Variants in RIPOR3 observed in about 807,000 individuals in gnomAD.
The protein encoded by RIPOR3 is RIPOR family member 3.
RIPOR3 carries 95 observed loss-of-function variants against 114.3 expected under a neutral mutation model. That is an observed-to-expected ratio of 0.83 (90% CI 0.70 to 0.99). The LOEUF (loss-of-function observed/expected upper bound fraction) is 0.99, where lower values mean the gene tolerates loss of function less well. Ranked by LOEUF, RIPOR3 falls within the 50% of genes least tolerant of loss-of-function variation. RIPOR3 has a pLI of 0.00. For synonymous variants in RIPOR3, 575 were observed against 543.8 expected (o/e 1.06, Z -0.80); for missense variants, 1,252 against 1,266.9 (o/e 0.99, Z 0.18).
intron 4 of RIPOR3, among the ~76,000 whole-genome samples, chr20:50,612,716 A>G (rs926701551): frequency 3.3e-5 from 5 of 151,942 alleles, no homozygotes. Context: ...GAGGGCGTCA[A>G]TCGAGAAAGA....
At chr20:50,643,753 T>C (rs2123345720) in intron 1 of RIPOR3, among the ~76,000 whole-genome samples, 1 of 146,248 alleles carries the variant, frequency 6.8e-6, no homozygotes, top group South Asian at 2.2e-4. Flanking sequence ...TCGCCCAGGC[T>C]GGAGTGCAGT....
chr20:50,679,723 C>G (rs1258006667), intron 1 of RIPOR3, among the ~76,000 whole-genome samples: 1 of 149,678 alleles, frequency 6.7e-6, no homozygotes, highest in Non-Finnish European at 1.5e-5. Flanking sequence ...GAGCCGAGAT[C>G]GCGCCACTGC....
intron 1 of RIPOR3, among the ~76,000 whole-genome samples, chr20:50,685,922 C>T (rs1211314050): frequency 1.3e-5 from 2 of 151,310 alleles, no homozygotes; most frequent in African/African-American, 4.9e-5. Flanking sequence ...ATGTCCAGGA[C>T]ACCTGTTGGT....
intron 3 of RIPOR3, 44 bp from the exon 4 acceptor site, chr20:50,616,124 G>A: frequency 6.3e-7 from 1 of 1,579,266 alleles, no homozygotes; most frequent in Non-Finnish European, 8.6e-7. Context: ...AGAGGAAGAA[G>A]AAAGGGAAAG....
chr20:50,672,383 G>A (rs1339072397), intron 1 of RIPOR3, among the ~76,000 whole-genome samples: 1 of 152,154 alleles, frequency 6.6e-6, no homozygotes, highest in Non-Finnish European at 1.5e-5. Context: ...AGGAGGCATG[G>A]CCAGGCAGCC....
At chr20:50,627,115 G>A (rs771677692) in intron 2 of RIPOR3, among the ~76,000 whole-genome samples, 9 of 152,102 alleles carry the variant, frequency 5.9e-5, no homozygotes, top group Admixed American at 2.0e-4. Flanking sequence ...CTGGAAGGTG[G>A]AGCTTGCAGT....
At chr20:50,624,281 G>A (rs1191598935) in intron 2 of RIPOR3, among the ~76,000 whole-genome samples, 3 of 152,170 alleles carry the variant, frequency 2.0e-5, no homozygotes, top group Non-Finnish European at 4.4e-5. Context: ...TGGCAGAGAC[G>A]GTCAGGGCTG....
Position 50,617,411 on chromosome 20 carries a change from G to A in RIPOR3, c.270-1331C>T, listed in dbSNP as rs148729947. ...CTGTCCTTCAGAAACATGCTCTATC[G>A]TCCATGCACATCCCAGCTCCCACTC... On this transcript the variant is annotated intron_variant, in intron 3 of 21. Coordinates refer to ENST00000327979, the MANE Select transcript of RIPOR3 (RefSeq NM_001290268.2). Among the ~76,000 whole-genome samples the A allele has an allele frequency of 2.4e-4, 37 of 152,086 alleles. 1 individual carries two copies. In the East Asian group the frequency reaches 2.5e-3, roughly 10 times the overall value.
At chr20:50,629,952 G>A (rs2084759418) in intron 2 of RIPOR3, among the ~76,000 whole-genome samples, 1 of 152,014 alleles carries the variant, frequency 6.6e-6, no homozygotes, top group South Asian at 2.1e-4. Context: ...TGGTTTTTTG[G>A]TTTTTCTTTT....
intron 2 of RIPOR3, among the ~76,000 whole-genome samples, chr20:50,624,412 G>A (rs1568882812): frequency 2.0e-5 from 3 of 152,170 alleles, no homozygotes; most frequent in Admixed American, 6.5e-5. Flanking sequence ...GGTGTGCACC[G>A]TTGGCCCAGC....
chr20:50,653,324 T>C (rs2085684360), intron 1 of RIPOR3: 1 of 152,186 alleles, frequency 6.6e-6, no homozygotes, highest in African/African-American at 2.4e-5. Flanking sequence ...ATGGGAGTCA[T>C]TACTAATAGG....
chr20:50,647,283 G>A (rs2085433364), intron 1 of RIPOR3, among the ~76,000 whole-genome samples: 2 of 151,896 alleles, frequency 1.3e-5, no homozygotes, highest in Admixed American at 1.3e-4. Context: ...TCGCATCACT[G>A]TACTCCAGCC....
intron 1 of RIPOR3, among the ~76,000 whole-genome samples, chr20:50,656,646 C>T (rs2085821891): frequency 6.6e-6 from 1 of 151,848 alleles, no homozygotes; most frequent in African/African-American, 2.4e-5. Context: ...ATTACAGGCA[C>T]CCACCACCAT....
chr20:50,642,423 T>C lies in RIPOR3; in HGVS notation c.4-11567A>G, dbSNP rs144844155. Reference sequence around the variant, plus strand: ...GAGAGATACAAGCTTCAAATACTTATGTGGCCAAATCCGTCACAGGTTTTC... The same window carrying C: ...GAGAGATACAAGCTTCAAATACTTACGTGGCCAAATCCGTCACAGGTTTTC... On this transcript the variant is annotated intron_variant, in intron 1 of 21. Transcript: ENST00000327979. 1.1e-3 allele frequency among the ~76,000 whole-genome samples: 161 copies of C among 151,954 alleles called. 1 individual carries two copies. The highest frequency in any genetic ancestry group is 3.7e-3 in the African/African-American group (153 of 41,460).
At chr20:50,594,456 A>G (rs1301729666) in intron 17 of RIPOR3, 97 bp downstream of exon 17, 8 of 1,390,770 alleles carry the variant, frequency 5.8e-6, no homozygotes, top group African/African-American at 4.3e-5. Flanking sequence ...AGGTGAAGAC[A>G]GGGCTGAAAT....
chr20:50,608,801 G>C lies in RIPOR3; in HGVS notation c.685-63C>G, dbSNP rs1349135332. 5 of 1,612,592 alleles carry C rather than the reference G, an allele frequency of 3.1e-6. No individual in the cohort carries two copies. In the African/African-American group the frequency reaches 5.3e-5, roughly 17 times the overall value. On this transcript the variant is annotated intron_variant, in intron 9 of 21. Transcript: ENST00000327979. The stretch of plus-strand genomic sequence containing the variant: ...TGGGTGTCCCCTTGCTGTCCGCCCA[G>C]GGCCCTCCCTGCCAGGCAGAGCCCC...
At chr20:50,672,925 T>C (rs1255919131) in intron 1 of RIPOR3, among the ~76,000 whole-genome samples, 1 of 152,164 alleles carries the variant, frequency 6.6e-6, no homozygotes, top group Non-Finnish European at 1.5e-5. Context: ...TGCCAACCCA[T>C]GGCAACTCAC....
intron 1 of RIPOR3, among the ~76,000 whole-genome samples, chr20:50,679,724 G>C (rs1312596385): frequency 6.7e-6 from 1 of 149,742 alleles, no homozygotes; most frequent in Non-Finnish European, 1.5e-5. Context: ...AGCCGAGATC[G>C]CGCCACTGCA....
chr20:50,599,249 G>A (rs972599238), intron 13 of RIPOR3, among the ~76,000 whole-genome samples: 10 of 152,012 alleles, frequency 6.6e-5, no homozygotes, highest in South Asian at 4.2e-4. Flanking sequence ...AAAATTAGCC[G>A]GGCATGATGG....
Sources: gnomAD v4.1 joint callset for allele counts (sites outside exome capture counted in the v4.1 genomes callset) on GRCh38, gnomAD v4.1.1 for gene constraint, MANE v1.5 for transcripts, NCBI Gene and HGNC (gene_info 2026-07-23, HGNC 2026-07-21) for gene names.